ALG10B: variants seen among roughly 807,000 people sequenced by gnomAD.
ALG10B encodes ALG10 alpha-1,2-glucosyltransferase B.
A neutral mutation model predicts 38.7 loss-of-function variants in ALG10B; 27 were observed. That is an observed-to-expected ratio of 0.70 (90% confidence interval 0.51 to 0.96). The LOEUF (loss-of-function observed/expected upper bound fraction) is 0.96. ALG10B is among the 40% of genes least tolerant of loss of function. The pLI, the probability that ALG10B is intolerant of heterozygous loss-of-function variation, is 0.00. For synonymous variants in ALG10B, 177 were observed against 193.3 expected (o/e 0.92, Z 0.70); for missense variants, 522 against 542.7 (o/e 0.96, Z 0.38).
chr12:38,326,487 ATACCCT>A lies in ALG10B; in HGVS notation c.*5275_*5280del, dbSNP rs1197510390. On this transcript the variant is annotated 3_prime_UTR_variant, in exon 3 of 3. Transcript: ENST00000308742. The stretch of plus-strand genomic sequence containing the variant: ...GAAAGTTTCTTATTAAAGAAACTTT[ATACCCT>A]ATTAAGGGTATAATTTCAAAATAAT... 8 of 24,418 alleles carry A rather than the reference ATACCCT, an allele frequency of 3.3e-4. No individual in the cohort carries two copies. The highest frequency in any genetic ancestry group is 2.4e-3 in the African/African-American group (8 of 3,276). The allele number at this position is 24,418 out of a possible 1,614,324, so 1.5% of individuals were successfully genotyped here. A position where few individuals can be genotyped will look rare whatever the true frequency, so the allele number is the denominator to read the frequency against.
At position 38,325,396 on chromosome 12, in the gene ALG10B, T is replaced by C. The variant is rs1945735720; in HGVS notation, c.*4183T>C. The C allele has an allele frequency of 6.6e-6, 1 of 152,198 alleles. No individual in the cohort carries two copies. The highest frequency in any genetic ancestry group is 1.5e-5 in the Non-Finnish European group (1 of 68,010). The allele number at this position is 152,198 out of a possible 1,614,324, so 9.4% of individuals were successfully genotyped here. A position where few individuals can be genotyped will look rare whatever the true frequency, so the allele number is the denominator to read the frequency against. The stretch of plus-strand genomic sequence containing the variant: ...TTAATTGCCACTTGGCTTGATATTA[T>C]TTTCCTTAGAATTGTTGGAAGAGAG... On this transcript the variant is annotated 3_prime_UTR_variant, in exon 3 of 3. Coordinates refer to ENST00000308742, the MANE Select transcript of ALG10B (RefSeq NM_001013620.4).
rs1945707062 is a variant in ALG10B at position 38,321,772 on chromosome 12, G to A, written c.*559G>A. The A allele has an allele frequency of 6.6e-6, 1 of 152,634 alleles. No individual in the cohort carries two copies. The highest frequency in any genetic ancestry group is 1.5e-5 in the Non-Finnish European group (1 of 68,024). The allele number at this position is 152,634 out of a possible 1,614,324, so 9.5% of individuals were successfully genotyped here. ...AAGTCAAAATAGAAATGCATAGATA[G>A]TAAATGATAAAGTAGAGACTCATAT... On this transcript the variant is annotated 3_prime_UTR_variant, in exon 3 of 3. Coordinates refer to ENST00000308742, the MANE Select transcript of ALG10B (RefSeq NM_001013620.4).
At position 38,323,044 on chromosome 12, in the gene ALG10B, T is replaced by C. The variant is rs1275974259; in HGVS notation, c.*1831T>C. On this transcript the variant is annotated 3_prime_UTR_variant, in exon 3 of 3. Transcript: ENST00000308742. Reference sequence around the variant, plus strand: ...CACTTAGGTTGATCGAATCACTTGGTTATTGTGACTTGTCTGCAATGAACA... The same window carrying C: ...CACTTAGGTTGATCGAATCACTTGGCTATTGTGACTTGTCTGCAATGAACA... 2.0e-5 allele frequency: 3 copies of C among 152,124 alleles called. No individual in the cohort carries two copies. The highest frequency in any genetic ancestry group is 4.4e-5 in the Non-Finnish European group (3 of 68,004). The allele number at this position is 152,124 out of a possible 1,614,324, so 9.4% of individuals were successfully genotyped here.
rs1399044421 is a variant in ALG10B at position 38,328,303 on chromosome 12, C to T, written c.*7090C>T. The T allele has an allele frequency of 1.3e-5, 2 of 152,086 alleles. No homozygotes were observed. Among genetic ancestry groups the T allele is most frequent in the Admixed American group, 6.5e-5 (1 of 15,284 alleles). 9.4% of individuals were successfully genotyped at this position (152,086 alleles called of 1,614,324 possible). On this transcript the variant is annotated 3_prime_UTR_variant, in exon 3 of 3. Transcript: ENST00000308742. ...AAAACTACTATTTGACTCTATTACA[C>T]CCTGTTTTAGAAAAACATTTGAGTT...
rs1328828012 is a variant in ALG10B at position 38,317,131 on chromosome 12, T to C, written c.171+67T>C. 1.5e-5 allele frequency: 24 copies of C among 1,608,414 alleles called. No individual in the cohort carries two copies. In the African/African-American group the frequency reaches 3.2e-4, roughly 21 times the overall value. ...AGGTCCCAGCGTCCCCAGCTCCTTC[T>C]CCCATCTTTAGACTTAACTCGTCCC... On this transcript the variant is annotated intron_variant, in intron 1 of 2. Transcript: ENST00000308742.
In ALG10B at chr12:38,320,242, T is replaced by G. The variant is rs746458601; in HGVS notation, c.451T>G (p.Tyr151Asp). ...ACTTTATTTTTTTAACTTCCTTTAT[T>G]ATACAGAAGCAGGATCTATGTTTTT... Reference protein sequence around the residue: ...PTLYFFNFLYYTEAGSMFFTL... With the variant: ...PTLYFFNFLYDTEAGSMFFTL... Residue 151 changes from tyrosine to aspartate, a missense_variant, in exon 3 of 3, where the codon TAT becomes GAT. Coordinates refer to ENST00000308742, the MANE Select transcript of ALG10B (RefSeq NM_001013620.4). 1.9e-6 allele frequency: 3 copies of G among 1,614,060 alleles called. No homozygotes were observed. Among genetic ancestry groups the G allele is most frequent in the Non-Finnish European group, 2.5e-6 (3 of 1,179,930 alleles).
In ALG10B at chr12:38,323,278, A is replaced by G. The variant is rs554712151; in HGVS notation, c.*2065A>G. On this transcript the variant is annotated 3_prime_UTR_variant, in exon 3 of 3. Coordinates refer to ENST00000308742, the MANE Select transcript of ALG10B (RefSeq NM_001013620.4). The stretch of plus-strand genomic sequence containing the variant: ...TTTGATTCCATTATCTATTAAAAAA[A>G]GTCAGAATTGAAAGAAAGTTGAGAA... 1.3e-5 allele frequency: 2 copies of G among 152,346 alleles called. No individual in the cohort carries two copies. Among genetic ancestry groups the G allele is most frequent in the Non-Finnish European group, 2.9e-5 (2 of 68,138 alleles). The allele number at this position is 152,346 out of a possible 1,614,324, so 9.4% of individuals were successfully genotyped here. A position where few individuals can be genotyped will look rare whatever the true frequency, so the allele number is the denominator to read the frequency against.
In ALG10B at chr12:38,320,158, A is replaced by G; in HGVS notation, c.370-3A>G. 1 of 1,613,942 alleles carries G rather than the reference A, an allele frequency of 6.2e-7. No homozygotes were observed. The highest frequency in any genetic ancestry group is 8.5e-7 in the Non-Finnish European group (1 of 1,179,862). ...TTGTATCTGTGTTTTTTCTTCCTCCAAGGCTGCCTCAAGTATCCAGAGAGT... is the reference window on the plus strand; with the variant it reads ...TTGTATCTGTGTTTTTTCTTCCTCCGAGGCTGCCTCAAGTATCCAGAGAGT... On this transcript the variant is annotated splice_region_variant and splice_polypyrimidine_tract_variant and intron_variant, in intron 2 of 2. Coordinates refer to ENST00000308742, the MANE Select transcript of ALG10B (RefSeq NM_001013620.4).
rs1171102844 is a variant in ALG10B at position 38,327,597 on chromosome 12, G to A, written c.*6384G>A. On this transcript the variant is annotated 3_prime_UTR_variant, in exon 3 of 3. Transcript: ENST00000308742. ...GAACATAGATTGGTATGACTCCCAA[G>A]CCTGTGAGTTTTTGACCGTCATATT... 1.3e-5 allele frequency: 2 copies of A among 151,836 alleles called. No homozygotes were observed. The highest frequency in any genetic ancestry group is 4.8e-5 in the African/African-American group (2 of 41,326). 9.4% of individuals were successfully genotyped at this position (151,836 alleles called of 1,614,324 possible).
In ALG10B at chr12:38,320,626, C is replaced by T. The variant is rs1045176953; in HGVS notation, c.835C>T (p.Arg279Trp). The T allele has an allele frequency of 1.1e-5, 18 of 1,613,854 alleles. No individual in the cohort carries two copies. The highest frequency in any genetic ancestry group is 1.0e-4 in the Admixed American group (6 of 59,986). Residue 279 changes from arginine to tryptophan, a missense_variant, in exon 3 of 3, where the codon CGG becomes TGG. Transcript: ENST00000308742. ...TAATGGTGGAATTGTTATTGGCGAT[C>T]GGAGTAGTCATGAAGCCTGTCTTCA... ...VVNGGIVIGD[R>W]SSHEACLHFP...
Position 38,320,758 on chromosome 12 carries a change from G to A in ALG10B, c.967G>A (p.Gly323Arg), listed in dbSNP as rs993763739. ...KTFLSLVWKHGILFLVVTLVS... is the reference protein window; with the variant it reads ...KTFLSLVWKHRILFLVVTLVS... ...TTTTCTTTCCTTAGTTTGGAAACATGGAATTCTGTTTTTGGTGGTTACCTT... is the reference window on the plus strand; with the variant it reads ...TTTTCTTTCCTTAGTTTGGAAACATAGAATTCTGTTTTTGGTGGTTACCTT... Residue 323 changes from glycine (G) to arginine (R), a missense_variant, in exon 3 of 3, where the codon GGA (glycine) becomes AGA (arginine). By Grantham distance (125) the Gly-to-Arg change is moderately radical. Coordinates refer to ENST00000308742, the MANE Select transcript of ALG10B (RefSeq NM_001013620.4). The A allele has an allele frequency of 6.2e-7, 1 of 1,613,628 alleles. No individual in the cohort carries two copies.
At position 38,316,850 on chromosome 12, in the gene ALG10B, A is replaced by C; in HGVS notation, c.-44A>C. ...TCCAGCTCGGGTTTCCGGGCTCAGA[A>C]TTTTCCAGGAGTGGGTTCTTGGGCA... On this transcript the variant is annotated 5_prime_UTR_variant, in exon 1 of 3. Coordinates refer to ENST00000308742, the MANE Select transcript of ALG10B (RefSeq NM_001013620.4). The C allele has an allele frequency of 1.2e-6, 2 of 1,613,588 alleles. No individual in the cohort carries two copies. The highest frequency in any genetic ancestry group is 1.7e-6 in the Non-Finnish European group (2 of 1,179,868).
In ALG10B at chr12:38,329,620, T is replaced by A. The variant is rs1945776455; in HGVS notation, c.*8407T>A. The A allele has an allele frequency of 6.1e-6, 1 of 165,040 alleles. No homozygotes were observed. The highest frequency in any genetic ancestry group is 2.4e-5 in the African/African-American group (1 of 42,100). The allele number at this position is 165,040 out of a possible 1,614,324, so 10.2% of individuals were successfully genotyped here. ...CTTCTAAAAGTCATTTGTGAGTTGA[T>A]GTTATTTAAAACTGCTTTTCAGTCA... is the stretch of plus-strand genomic sequence containing the variant. On this transcript the variant is annotated 3_prime_UTR_variant, in exon 3 of 3. Transcript: ENST00000308742.
In ALG10B at chr12:38,328,732, G is replaced by A. The variant is rs1046872073; in HGVS notation, c.*7519G>A. ...ACTTTGTGTTTTGTAATCATTAGAC[G>A]ATTTAACCTAATATATCTTCCCATA... is the stretch of plus-strand genomic sequence containing the variant. On this transcript the variant is annotated 3_prime_UTR_variant, in exon 3 of 3. Coordinates refer to ENST00000308742, the MANE Select transcript of ALG10B (RefSeq NM_001013620.4). 2 of 152,762 alleles carry A rather than the reference G, an allele frequency of 1.3e-5. No homozygotes were observed. Among genetic ancestry groups the A allele is most frequent in the Non-Finnish European group, 2.9e-5 (2 of 68,558 alleles). 9.5% of individuals were successfully genotyped at this position (152,762 alleles called of 1,614,324 possible).
At position 38,328,090 on chromosome 12, in the gene ALG10B, A is replaced by G. The variant is rs1221210743; in HGVS notation, c.*6877A>G. ...GAGATAAGATTTCTATTTATCAAAG[A>G]TACTACACAAGAGTTAGATAGCAAG... On this transcript the variant is annotated 3_prime_UTR_variant, in exon 3 of 3. Transcript: ENST00000308742. The G allele has an allele frequency of 1.3e-5, 2 of 152,322 alleles. No homozygotes were observed. Among genetic ancestry groups the G allele is most frequent in the Admixed American group, 1.3e-4 (2 of 15,306 alleles). The allele number at this position is 152,322 out of a possible 1,614,324, so 9.4% of individuals were successfully genotyped here.
At position 38,316,903 on chromosome 12, in the gene ALG10B, C is replaced by T. The variant is rs1273573391; in HGVS notation, c.10C>T (p.Leu4=). MAQ[L]EGYCFSAALS... is the part of the protein sequence containing the mutation. ...GGCTGTGGGAGCAGGAATGGCGCAG[C>T]TAGAGGGTTACTGTTTCTCGGCCGC... The change falls in exon 1 of 3, where the codon CTA becomes TTA. Residue 4 remains leucine (L), a synonymous_variant. Coordinates refer to ENST00000308742, the MANE Select transcript of ALG10B (RefSeq NM_001013620.4). 30 of 1,614,002 alleles carry T rather than the reference C, an allele frequency of 1.9e-5. No individual in the cohort carries two copies. Among genetic ancestry groups the T allele is most frequent in the African/African-American group, 2.7e-5 (2 of 74,914 alleles).
At position 38,320,195 on chromosome 12, in the gene ALG10B, T is replaced by C. The variant is rs767714241; in HGVS notation, c.404T>C (p.Leu135Ser). The change falls in exon 3 of 3, where the codon TTA (leucine) becomes TCA (serine). Residue 135 changes from leucine to serine, a missense_variant. Coordinates refer to ENST00000308742, the MANE Select transcript of ALG10B (RefSeq NM_001013620.4). ...AGTATCCAGAGAGTCTTGTCAACAT[T>C]AACACTAGCAGTATTTCCAACACTT... ...ASSIQRVLST[L>S]TLAVFPTLYF... 1.9e-5 allele frequency: 31 copies of C among 1,613,922 alleles called. No homozygotes were observed. In the Admixed American group the frequency reaches 4.8e-4, roughly 25 times the overall value.
intron 1 of ALG10B, 28 bp downstream of exon 1, chr12:38,317,092 A>G (rs370840298): frequency 1.7e-5 from 28 of 1,613,930 alleles, no homozygotes; most frequent in East Asian, 4.5e-5. Context: ...TCCCCACCCC[A>G]GGAGAGGCCT....
At chr12:38,317,114 G>A in intron 1 of ALG10B, 50 bp downstream of exon 1, 1 of 1,612,270 alleles carries the variant, frequency 6.2e-7, no homozygotes, top group Non-Finnish European at 8.5e-7. Context: ...AAAGGTCCCA[G>A]CGTCCCCAGC....
Sources: allele counts gnomAD v4.1 joint callset, GRCh38; gene constraint gnomAD v4.1.1; transcripts MANE v1.5; gene names NCBI Gene and HGNC (gene_info 2026-07-23, HGNC 2026-07-21).